EYA4: variants seen among roughly 807,000 people sequenced by gnomAD.
EYA4 encodes the protein protein phosphatase EYA4.
A neutral mutation model predicts 87.9 loss-of-function variants in EYA4; 31 were observed. The ratio of observed to expected loss-of-function variants is 0.35; its 90% confidence interval spans 0.27 to 0.48. The LOEUF (loss-of-function observed/expected upper bound fraction) is 0.48. Among genes scored for constraint, EYA4 ranks in the 20% least tolerant of loss-of-function variants. The pLI is 0.99. For missense variants in EYA4, 678 were observed against 761.4 expected (o/e 0.89, Z 1.29); for synonymous variants, 263 against 270.6 (o/e 0.97, Z 0.28).
chr6:133,427,568 A>G (rs1790781492), intron 3 of EYA4, among the ~76,000 whole-genome samples: 2 of 152,182 alleles, frequency 1.3e-5, no homozygotes. Context: ...TGATTGTTAA[A>G]AGGAAAAAAT....
intron 2 of EYA4, among the ~76,000 whole-genome samples, chr6:133,370,116 G>A (rs1456662999): frequency 6.6e-6 from 1 of 152,180 alleles, no homozygotes; most frequent in African/African-American, 2.4e-5. Flanking sequence ...CTGGGTGTTG[G>A]TTAGAGACTA....
rs578157978 is a variant in EYA4 at position 133,393,322 on chromosome 6, T to C, written c.83+10881T>C. 1.8e-4 allele frequency among the ~76,000 whole-genome samples: 28 copies of C among 152,266 alleles called. No homozygotes were observed. In the South Asian group the frequency reaches 5.8e-3, roughly 32 times the overall value. ...GGTACTATTTATTGAGCATCTACTA[T>C]GGGTCAGGCACCAAATGCTTGAGAT... On this transcript the variant is annotated intron_variant, in intron 3 of 19. Coordinates refer to ENST00000355286, the MANE Select transcript of EYA4 (RefSeq NM_004100.5).
chr6:133,373,283 A>G (rs1037479110), intron 2 of EYA4, among the ~76,000 whole-genome samples: 1 of 152,038 alleles, frequency 6.6e-6, no homozygotes, highest in African/African-American at 2.4e-5. Context: ...GCAGATCTTG[A>G]TAAATGGGTG....
At chr6:133,306,951 G>A (rs1234937734) in intron 2 of EYA4, among the ~76,000 whole-genome samples, 8 of 152,188 alleles carry the variant, frequency 5.3e-5, no homozygotes, top group Non-Finnish European at 8.8e-5. Flanking sequence ...TATTTTTGTA[G>A]TGGGGCATTT....
At chr6:133,454,822 T>C (rs571695521) in intron 5 of EYA4, among the ~76,000 whole-genome samples, 3 of 152,280 alleles carry the variant, frequency 2.0e-5, no homozygotes, top group African/African-American at 2.4e-5. Context: ...TAGGAGATAA[T>C]TGCATTCTCA....
chr6:133,458,876 A>G (rs1177865770), intron 6 of EYA4, among the ~76,000 whole-genome samples: 1 of 152,200 alleles, frequency 6.6e-6, no homozygotes, highest in Admixed American at 6.6e-5. Flanking sequence ...GGGCATTTTG[A>G]AAACAAGCAG....
chr6:133,469,405 A>G (rs1795135788), intron 11 of EYA4, among the ~76,000 whole-genome samples: 1 of 152,046 alleles, frequency 6.6e-6, no homozygotes, highest in Admixed American at 6.6e-5. Flanking sequence ...AGTCAAAACT[A>G]TTTTTAAAAA....
chr6:133,464,744 A>G (rs766181105), intron 9 of EYA4, 35 bp from the exon 10 acceptor site: 58 of 1,230,906 alleles, frequency 4.7e-5, no homozygotes, highest in Middle Eastern at 1.9e-4. Context: ...TTTACAAGGA[A>G]TACTTTTAAA....
chr6:133,356,789 G>A (rs62428729), intron 2 of EYA4, among the ~76,000 whole-genome samples: 9,420 of 85,378 alleles, frequency 0.11, 393 homozygotes, highest in Middle Eastern at 0.17. Flanking sequence ...GTGTGTGTGT[G>A]TGTATATATA....
Position 133,294,734 on chromosome 6 carries a change from AT to A in EYA4, c.33+19926del, listed in dbSNP as rs529978028. Among the ~76,000 whole-genome samples, 143 of 151,816 alleles carry A rather than the reference AT, an allele frequency of 9.4e-4. 2 individuals carry two copies. Among genetic ancestry groups the A allele is most frequent in the African/African-American group, 3.3e-3 (137 of 41,392 alleles). ...AGGCATGAACCACCATGCGTGGCTA[AT>A]TTTTGTTATTTTATTTTATTTTTTT... is the stretch of plus-strand genomic sequence containing the variant. On this transcript the variant is annotated intron_variant, in intron 2 of 19. Transcript: ENST00000355286.
intron 3 of EYA4, among the ~76,000 whole-genome samples, chr6:133,405,888 T>A (rs1032584622): frequency 6.6e-6 from 1 of 152,080 alleles, no homozygotes; most frequent in Non-Finnish European, 1.5e-5. Flanking sequence ...TGCAGCTGTC[T>A]GGGAGAAGAG....
At chr6:133,383,893 G>A (rs1460417839) in intron 3 of EYA4, among the ~76,000 whole-genome samples, 2 of 152,148 alleles carry the variant, frequency 1.3e-5, no homozygotes, top group African/African-American at 4.8e-5. Flanking sequence ...GAAGACTGGG[G>A]CTCTATTCCT....
chr6:133,323,140 C>G (rs1781226901), intron 2 of EYA4, among the ~76,000 whole-genome samples: 1 of 151,426 alleles, frequency 6.6e-6, no homozygotes, highest in South Asian at 2.1e-4. Context: ...GAATAACAGG[C>G]TTTAAATTTT....
intron 2 of EYA4, among the ~76,000 whole-genome samples, chr6:133,307,157 G>A (rs1037100795): frequency 6.6e-6 from 1 of 152,204 alleles, no homozygotes; most frequent in African/African-American, 2.4e-5. Flanking sequence ...GAGCCTCCTA[G>A]CACGTTTCTG....
At chr6:133,240,669 G>C (rs1773880692), upstream of EYA4, 1 of 152,282 alleles carries the variant, frequency 6.6e-6, no homozygotes. Flanking sequence ...AAGGGGCCCA[G>C]GCCCTTCGCA....
At chr6:133,365,829 G>A (rs566871482) in intron 2 of EYA4, among the ~76,000 whole-genome samples, 1 of 152,092 alleles carries the variant, frequency 6.6e-6, no homozygotes, top group African/African-American at 2.4e-5. Context: ...CTCTGGATTG[G>A]TTAGCTGCAT....
At chr6:133,490,442 T>C (rs941654215) in intron 13 of EYA4, among the ~76,000 whole-genome samples, 1 of 143,798 alleles carries the variant, frequency 7.0e-6, no homozygotes, top group Admixed American at 6.9e-5. Flanking sequence ...CTACAAGAAA[T>C]ACACTTCACC....
chr6:133,434,292 T>C (rs774695033), intron 3 of EYA4, among the ~76,000 whole-genome samples: 6 of 152,226 alleles, frequency 3.9e-5, no homozygotes, highest in Non-Finnish European at 8.8e-5. Context: ...AAGCCCCGGA[T>C]AGAAAACTTT....
At chr6:133,490,207 A>G (rs978782779) in intron 13 of EYA4, among the ~76,000 whole-genome samples, 1 of 152,128 alleles carries the variant, frequency 6.6e-6, no homozygotes, top group African/African-American at 2.4e-5. Context: ...ATTAAAACAT[A>G]CCAACAAATA....
Sources: gnomAD v4.1 joint callset for allele counts (sites outside exome capture counted in the v4.1 genomes callset) on GRCh38, gnomAD v4.1.1 for gene constraint, MANE v1.5 for transcripts, NCBI Gene and HGNC (gene_info 2026-07-23, HGNC 2026-07-21) for gene names.